ARL15: variants seen among roughly 807,000 people sequenced by gnomAD.
The protein encoded by ARL15 is ARF like GTPase 15, also known as ADP-ribosylation factor-like protein 15.
A neutral mutation model predicts 25.2 loss-of-function variants in ARL15; 19 were observed. The ratio of observed to expected loss-of-function variants is 0.75; its 90% confidence interval spans 0.53 to 1.10. The LOEUF (loss-of-function observed/expected upper bound fraction) is 1.10. Among genes scored for constraint, ARL15 ranks in the 50% least tolerant of loss-of-function variants. The probability of loss-of-function intolerance (pLI) is 0.00; values close to 1 mark genes in which losing one functional copy is unlikely to be tolerated. For synonymous variants in ARL15, 94 were observed against 86.8 expected, an observed-to-expected ratio of 1.08 and a Z score of -0.46; for missense variants, 220 against 246.0, an observed-to-expected ratio of 0.89 and a Z score of 0.71.
chr5:54,060,868 A>G (rs1040126026), intron 4 of ARL15, among the ~76,000 whole-genome samples: 7 of 152,322 alleles, frequency 4.6e-5, no homozygotes, highest in Admixed American at 4.6e-4. Flanking sequence ...TCAAGAGGAG[A>G]CTTGGATGCT....
chr5:54,032,378 C>A (rs1217869101), intron 4 of ARL15, among the ~76,000 whole-genome samples: 1 of 152,028 alleles, frequency 6.6e-6, no homozygotes, highest in Non-Finnish European at 1.5e-5. Context: ...GGATTACACG[C>A]ATCTGCTATC....
At chr5:54,113,115 C>T in intron 4 of ARL15, 87 bp downstream of exon 4, 1 of 1,312,688 alleles carries the variant, frequency 7.6e-7, no homozygotes, top group Non-Finnish European at 1.1e-6. Flanking sequence ...CAGCACATTC[C>T]TAATTACATG....
chr5:54,109,649 A>G (rs1752687300), intron 4 of ARL15, among the ~76,000 whole-genome samples: 1 of 152,028 alleles, frequency 6.6e-6, no homozygotes. Flanking sequence ...AGTTACAATT[A>G]CAATTCAATA....
chr5:54,234,153 G>C (rs2112561137), intron 1 of ARL15, among the ~76,000 whole-genome samples: 1 of 152,116 alleles, frequency 6.6e-6, no homozygotes, highest in Non-Finnish European at 1.5e-5. Flanking sequence ...GTGCCACCAA[G>C]CCCGGCTAAT....
intron 4 of ARL15, among the ~76,000 whole-genome samples, chr5:54,072,754 T>G (rs1751467026): frequency 2.6e-5 from 4 of 152,194 alleles, no homozygotes; most frequent in African/African-American, 9.7e-5. Flanking sequence ...CACATATTTA[T>G]TTCATATGTA....
chr5:54,002,069 A>G (rs1405140980), intron 4 of ARL15, among the ~76,000 whole-genome samples: 1 of 152,254 alleles, frequency 6.6e-6, no homozygotes, highest in Non-Finnish European at 1.5e-5. Context: ...AATCACTTAT[A>G]TGAAAAATAT....
At chr5:54,133,685 G>A (rs1161231602) in intron 3 of ARL15, among the ~76,000 whole-genome samples, 2 of 151,906 alleles carry the variant, frequency 1.3e-5, no homozygotes, top group African/African-American at 4.8e-5. Context: ...AAGAAGAAAT[G>A]GTTACTATGT....
chr5:53,920,689 A>AT (rs34727495), intron 4 of ARL15, among the ~76,000 whole-genome samples: 21 of 151,758 alleles, frequency 1.4e-4, no homozygotes, highest in Admixed American at 5.3e-4. Context: ...AAATAAATAA[A>AT]AGGAGCTGCC....
chr5:54,162,963 T>A (rs1299103664), intron 2 of ARL15, among the ~76,000 whole-genome samples: 1 of 152,190 alleles, frequency 6.6e-6, no homozygotes, highest in African/African-American at 2.4e-5. Context: ...AGAACAGACA[T>A]CCATGTCTTA....
intron 3 of ARL15, among the ~76,000 whole-genome samples, chr5:54,149,240 G>A (rs556118571): frequency 6.6e-6 from 1 of 152,338 alleles, no homozygotes; most frequent in African/African-American, 2.4e-5. Flanking sequence ...TGATGAGGTG[G>A]AGCAGGACAA....
At chr5:54,237,810 G>A (rs558583562) in intron 1 of ARL15, among the ~76,000 whole-genome samples, 4 of 152,210 alleles carry the variant, frequency 2.6e-5, no homozygotes, top group East Asian at 1.9e-4. Flanking sequence ...GATCACTGTC[G>A]TATCTACGGT....
intron 3 of ARL15, among the ~76,000 whole-genome samples, chr5:54,127,965 T>C (rs1753314262): frequency 6.6e-6 from 1 of 152,176 alleles, no homozygotes; most frequent in African/African-American, 2.4e-5. Flanking sequence ...TGGCTAGCCA[T>C]ATGTAGCAAG....
chr5:54,178,277 T>C (rs1754943072), intron 1 of ARL15, among the ~76,000 whole-genome samples: 1 of 152,232 alleles, frequency 6.6e-6, no homozygotes, highest in Admixed American at 6.5e-5. Context: ...TCATCATGAA[T>C]ACATGATTTT....
intron 4 of ARL15, among the ~76,000 whole-genome samples, chr5:54,045,534 A>G (rs962427616): frequency 1.3e-5 from 2 of 152,078 alleles, no homozygotes; most frequent in African/African-American, 4.8e-5. Flanking sequence ...TATGTGTCAA[A>G]TAGAGATTTT....
At chr5:54,083,126 C>T (rs1221954591) in intron 4 of ARL15, among the ~76,000 whole-genome samples, 2 of 152,264 alleles carry the variant, frequency 1.3e-5, no homozygotes, top group Non-Finnish European at 1.5e-5. Context: ...GACAATGGGG[C>T]TTAATTTACC....
chr5:54,025,442 A>G (rs1377129423), intron 4 of ARL15, among the ~76,000 whole-genome samples: 1 of 152,220 alleles, frequency 6.6e-6, no homozygotes, highest in African/African-American at 2.4e-5. Flanking sequence ...AACCTTGAAT[A>G]TAAGATGCTG....
intron 4 of ARL15, among the ~76,000 whole-genome samples, chr5:54,096,810 G>T (rs1752302983): frequency 6.6e-6 from 1 of 152,092 alleles, no homozygotes. Flanking sequence ...TAGATAGGCA[G>T]GCCTATCTAC....
chr5:53,928,128 T>C (rs548864448), intron 4 of ARL15, among the ~76,000 whole-genome samples: 1 of 152,276 alleles, frequency 6.6e-6, no homozygotes, highest in East Asian at 1.9e-4. Context: ...TACTGGAGTC[T>C]TCATGGAGGA....
chr5:54,105,593 T>A (rs896497289), intron 4 of ARL15, among the ~76,000 whole-genome samples: 1 of 152,206 alleles, frequency 6.6e-6, no homozygotes, highest in African/African-American at 2.4e-5. Context: ...TTTATTTGTT[T>A]GTTTTTTGAG....
Sources: allele counts gnomAD v4.1 joint callset (sites outside exome capture counted in the v4.1 genomes callset), GRCh38; gene constraint gnomAD v4.1.1; transcripts MANE v1.5; gene names NCBI Gene and HGNC (gene_info 2026-07-23, HGNC 2026-07-21).